Variants in ANKLE2 observed in about 807,000 individuals in gnomAD.
ANKLE2 encodes the protein ankyrin repeat and LEM domain containing 2.
ANKLE2 carries 55 observed loss-of-function variants against 84.2 expected under a neutral mutation model. That is an observed-to-expected ratio of 0.65 (90% CI 0.53 to 0.82). ANKLE2 has a LOEUF of 0.82. Among genes scored for constraint, ANKLE2 ranks in the 40% least tolerant of loss-of-function variants. The probability of loss-of-function intolerance (pLI) is 0.00; values close to 1 mark genes in which losing one functional copy is unlikely to be tolerated. For missense variants in ANKLE2, 1,238 were observed against 1,201.9 expected, an observed-to-expected ratio of 1.03 and a Z score of -0.44; for synonymous variants, 551 against 486.1, an observed-to-expected ratio of 1.13 and a Z score of -1.76.
At chr12:132,744,975 C>T (rs893870438) in intron 5 of ANKLE2, among the ~76,000 whole-genome samples, 3 of 152,214 alleles carry the variant, frequency 2.0e-5, no homozygotes, top group South Asian at 2.1e-4. Flanking sequence ...CCACTGCACC[C>T]GGCCTCACAA....
In ANKLE2 at chr12:132,727,396, T is replaced by C. The variant is rs1347931899; in HGVS notation, c.2663A>G (p.Asp888Gly). The change falls in exon 13 of 13, where the codon GAT (aspartate) becomes GGT (glycine). Residue 888 changes from aspartate to glycine, a missense_variant. This residue lies in a region of ANKLE2 where 802 missense variants were observed against 774.5 expected (regional missense o/e 1.04). Coordinates refer to ENST00000357997, the MANE Select transcript of ANKLE2 (RefSeq NM_015114.3). ...ACTGTAGCTGTGAGGGCCACTGAGA[T>C]CTGGCAGCTGAGACTTGAACCTTCC... ...VKGRFKSQLP[D>G]LSGPHSYSPG... 4 of 1,561,414 alleles carry C rather than the reference T, an allele frequency of 2.6e-6. No homozygotes were observed. The highest frequency in any genetic ancestry group is 1.4e-5 in the African/African-American group (1 of 73,992).
intron 1 of ANKLE2, chr12:132,758,042 A>G (rs1380811380): frequency 6.6e-6 from 1 of 152,078 alleles, no homozygotes; most frequent in Non-Finnish European, 1.5e-5. Context: ...GTATGGTTGT[A>G]TTCCAATAAA....
At chr12:132,734,317 G>A (rs954335581) in intron 10 of ANKLE2, 68 bp downstream of exon 10, 13 of 1,498,526 alleles carry the variant, frequency 8.7e-6, no homozygotes, top group Middle Eastern at 2.1e-4. Context: ...ACAGATGTGC[G>A]CATCCCGTCA....
chr12:132,753,682 A>C (rs2044410944), intron 2 of ANKLE2, among the ~76,000 whole-genome samples: 1 of 152,140 alleles, frequency 6.6e-6, no homozygotes, highest in South Asian at 2.1e-4. Flanking sequence ...CTGAGGTTAC[A>C]GTGAGCTGAG....
chr12:132,732,462 G>A (rs1370071134), intron 10 of ANKLE2, among the ~76,000 whole-genome samples: 50 of 142,626 alleles, frequency 3.5e-4, no homozygotes, highest in South Asian at 2.3e-3. Flanking sequence ...AGCTCTCTGC[G>A]TGCTGGTGTC....
At chr12:132,742,596 C>T (rs2044147346) in intron 6 of ANKLE2, 1 of 152,298 alleles carries the variant, frequency 6.6e-6, no homozygotes, top group African/African-American at 2.4e-5. Context: ...TGACTGAAGG[C>T]TTGTCTGGGT....
chr12:132,761,752 C>A lies in ANKLE2; in HGVS notation c.47G>T (p.Trp16Leu), dbSNP rs780694166. The A allele has an allele frequency of 1.6e-6, 2 of 1,222,040 alleles. No individual in the cohort carries two copies. The highest frequency in any genetic ancestry group is 3.2e-4 in the Middle Eastern group (1 of 3,152). The allele number at this position is 1,222,040 out of a possible 1,614,324, so 75.7% of individuals were successfully genotyped here. Residue 16 changes from tryptophan to leucine, a missense_variant, in exon 1 of 13, where the codon TGG (tryptophan) becomes TTG (leucine). By Grantham distance (61) the Trp-to-Leu change is moderately conservative (BLOSUM62 -2). This residue lies in a region of ANKLE2 where 422 missense variants were observed against 394.5 expected (regional missense o/e 1.07). Coordinates refer to ENST00000357997, the MANE Select transcript of ANKLE2 (RefSeq NM_015114.3). The stretch of plus-strand genomic sequence containing the variant: ...CAGCACCGAGGCGCCCAGCAGCTCC[C>A]AGGCCAGCGCCGCCCACTCGGCCGC... ...LAAAEWAALAWELLGASVLLI... is the reference protein window; with the variant it reads ...LAAAEWAALALELLGASVLLI...
intron 2 of ANKLE2, 57 bp from the exon 3 acceptor site, chr12:132,750,906 C>T: frequency 6.7e-7 from 1 of 1,497,050 alleles, no homozygotes; most frequent in East Asian, 2.3e-5. Context: ...GAGCTGTCAC[C>T]TGGCCATGCC....
Position 132,727,280 on chromosome 12 carries a change from G to T in ANKLE2, c.2779C>A (p.Arg927Ser), listed in dbSNP as rs774240785. Residue 927 changes from arginine (R) to serine (S), a missense_variant, in exon 13 of 13, where the codon CGC becomes AGC. Coordinates refer to ENST00000357997, the MANE Select transcript of ANKLE2 (RefSeq NM_015114.3). Reference sequence around the variant, plus strand: ...AGCTCAGCCAGGCGCGCCATCCTGCGGAGCTGGCTCCCGTGCACGGGGCTG... The same window carrying T: ...AGCTCAGCCAGGCGCGCCATCCTGCTGAGCTGGCTCCCGTGCACGGGGCTG... ...RYSPVHGSQL[R>S]RMARLAELAA... 4 of 1,566,992 alleles carry T rather than the reference G, an allele frequency of 2.6e-6. No individual in the cohort carries two copies. Among genetic ancestry groups the T allele is most frequent in the Non-Finnish European group, 3.5e-6 (4 of 1,156,432 alleles).
chr12:132,747,937 C>T lies in ANKLE2; in HGVS notation c.1125G>A (p.Glu375=). The change falls in exon 5 of 13, where the codon GAG becomes GAA. Residue 375 remains glutamate, a synonymous_variant. Transcript: ENST00000357997. ...ACATCAGCCTCATGAAGTCAGGGTTCTCCAGGACGTCCAGAGTCAGCTGGC... is the reference window on the plus strand; with the variant it reads ...ACATCAGCCTCATGAAGTCAGGGTTTTCCAGGACGTCCAGAGTCAGCTGGC... The part of the protein sequence containing the change: ...SICQLTLDVL[E]NPDFMRLMYP... 1 of 1,601,636 alleles carries T rather than the reference C, an allele frequency of 6.2e-7. No individual in the cohort carries two copies. Among genetic ancestry groups the T allele is most frequent in the Non-Finnish European group, 8.5e-7 (1 of 1,177,092 alleles).
chr12:132,751,340 T>A lies in ANKLE2; in HGVS notation c.641-491A>T, dbSNP rs1244934213. On this transcript the variant is annotated intron_variant, in intron 2 of 12. Transcript: ENST00000357997. ...GCTCTTGCAACCTCTGCCTCCCAGGTTCAAGCGATTCTCCCGCCTCAGCCT... is the reference window on the plus strand; with the variant it reads ...GCTCTTGCAACCTCTGCCTCCCAGGATCAAGCGATTCTCCCGCCTCAGCCT... 8 of 153,294 alleles carry A rather than the reference T, an allele frequency of 5.2e-5. No homozygotes were observed. In the Admixed American group the frequency reaches 5.2e-4, roughly 10 times the overall value. The allele number at this position is 153,294 out of a possible 1,614,324, so 9.5% of individuals were successfully genotyped here.
chr12:132,737,784 C>T (rs1177429004), intron 7 of ANKLE2: 1 of 152,182 alleles, frequency 6.6e-6, no homozygotes, highest in Non-Finnish European at 1.5e-5. Context: ...CAGACAGAGT[C>T]TCATTCTGTC....
chr12:132,758,390 A>T (rs1398246961), intron 1 of ANKLE2: 1 of 147,284 alleles, frequency 6.8e-6, no homozygotes, highest in African/African-American at 2.5e-5. Context: ...GACTCCACCT[A>T]AAAAAAAAAG....
chr12:132,731,454 T>C (rs1015439181), intron 10 of ANKLE2: 1 of 152,216 alleles, frequency 6.6e-6, no homozygotes, highest in Non-Finnish European at 1.5e-5. Flanking sequence ...GTTTGTTTTA[T>C]AAATGAAGTG....
chr12:132,753,333 C>A (rs1199297571), intron 2 of ANKLE2, among the ~76,000 whole-genome samples: 2 of 151,136 alleles, frequency 1.3e-5, no homozygotes, highest in South Asian at 2.1e-4. Context: ...AAAAAAAAAA[C>A]CACCAAAAAC....
intron 2 of ANKLE2, among the ~76,000 whole-genome samples, chr12:132,752,196 C>T (rs55912328): frequency 0.39 from 59,862 of 151,676 alleles, 12,618 homozygotes; most frequent in Non-Finnish European, 0.47. Context: ...TAAAATTAGC[C>T]GGGCGTGGTG....
At chr12:132,728,302 T>C in intron 11 of ANKLE2, 139 bp from the exon 12 acceptor site, 2 of 1,074,780 alleles carry the variant, frequency 1.9e-6, no homozygotes, top group South Asian at 1.4e-5. Context: ...TGATCTCGGC[T>C]CATCGCAAGC....
At chr12:132,746,303 T>A (rs1201276231) in intron 5 of ANKLE2, among the ~76,000 whole-genome samples, 2 of 144,778 alleles carry the variant, frequency 1.4e-5, no homozygotes, top group African/African-American at 2.6e-5. Context: ...GAGCCGAGAT[T>A]GTGCCACTGC....
chr12:132,728,765 A>G (rs374572944), intron 11 of ANKLE2, among the ~76,000 whole-genome samples: 43 of 152,330 alleles, frequency 2.8e-4, no homozygotes, highest in Admixed American at 7.8e-4. Context: ...TCTCTATGGT[A>G]GCAGGATCCA....
Sources: allele counts gnomAD v4.1 joint callset (sites outside exome capture counted in the v4.1 genomes callset), GRCh38; gene constraint gnomAD v4.1.1; regional missense constraint gnomAD v4.1.1; transcripts MANE v1.5; gene names NCBI Gene and HGNC (gene_info 2026-07-23, HGNC 2026-07-21).